DLG2: variants seen among roughly 807,000 people sequenced by gnomAD.
The protein encoded by DLG2 is discs large MAGUK scaffold protein 2.
DLG2 carries 45 observed loss-of-function variants against 132.5 expected under a neutral mutation model. The ratio of observed to expected loss-of-function variants is 0.34; its 90% CI spans 0.27 to 0.44. The LOEUF is 0.44. DLG2 is among the 20% of genes least tolerant of loss of function. The pLI is 1.00. For synonymous variants in DLG2, 424 were observed against 419.6 expected, an observed-to-expected ratio of 1.01 and a Z score of -0.13; for missense variants, 1,045 against 1,196.9, an observed-to-expected ratio of 0.87 and a Z score of 1.87.
intron 7 of DLG2, among the ~76,000 whole-genome samples, chr11:84,407,442 G>C (rs1601591992): frequency 6.6e-6 from 1 of 152,130 alleles, no homozygotes; most frequent in East Asian, 1.9e-4. Flanking sequence ...ATGACCACCT[G>C]CTCTCTAAGG....
At chr11:84,851,713 A>G (rs1344781710) in intron 6 of DLG2, among the ~76,000 whole-genome samples, 1 of 152,000 alleles carries the variant, frequency 6.6e-6, no homozygotes, top group Non-Finnish European at 1.5e-5. Flanking sequence ...AATCTCAACT[A>G]TACACACACA....
At chr11:83,526,474 C>T (rs61900137) in intron 21 of DLG2, among the ~76,000 whole-genome samples, 2,993 of 152,192 alleles carry the variant, frequency 0.02, 42 homozygotes, top group Non-Finnish European at 0.033. Flanking sequence ...AGGTAGACAT[C>T]GTGCTAGGTG....
chr11:84,256,832 G>A (rs1481340177), intron 7 of DLG2, among the ~76,000 whole-genome samples: 1 of 152,166 alleles, frequency 6.6e-6, no homozygotes, highest in Non-Finnish European at 1.5e-5. Flanking sequence ...GCATGTGTAT[G>A]TGTGTGATTT....
intron 7 of DLG2, among the ~76,000 whole-genome samples, chr11:84,503,965 G>C (rs962188598): frequency 1.3e-5 from 2 of 152,246 alleles, no homozygotes; most frequent in East Asian, 1.9e-4. Context: ...ATGAATTGGA[G>C]TGTGACTTTG....
At chr11:84,564,136 AT>A (rs1305722151) in intron 6 of DLG2, among the ~76,000 whole-genome samples, 1 of 152,226 alleles carries the variant, frequency 6.6e-6, no homozygotes, top group African/African-American at 2.4e-5. Flanking sequence ...GGGTAAGCCT[AT>A]TGCAAGTGAC....
intron 3 of DLG2, among the ~76,000 whole-genome samples, chr11:85,381,913 T>G (rs1596703635): frequency 6.6e-6 from 1 of 152,154 alleles, no homozygotes; most frequent in African/African-American, 2.4e-5. Context: ...CAATACTCCC[T>G]AACTGATTTA....
intron 7 of DLG2, among the ~76,000 whole-genome samples, chr11:84,408,333 C>A (rs2098870022): frequency 8.0e-6 from 1 of 125,260 alleles, no homozygotes; most frequent in East Asian, 2.0e-4. Flanking sequence ...ACAACTTGCA[C>A]ATGTTATATA....
At chr11:84,771,516 T>C (rs1490255001) in intron 6 of DLG2, among the ~76,000 whole-genome samples, 1 of 152,248 alleles carries the variant, frequency 6.6e-6, no homozygotes, top group Non-Finnish European at 1.5e-5. Flanking sequence ...TATTAGACCT[T>C]TGTCAGATGC....
intron 7 of DLG2, among the ~76,000 whole-genome samples, chr11:84,362,310 T>C (rs1449752957): frequency 6.6e-6 from 1 of 151,928 alleles, no homozygotes; most frequent in African/African-American, 2.4e-5. Flanking sequence ...TAATGGTAAC[T>C]CTAAGAAATC....
At chr11:83,737,035 C>G (rs980606213) in intron 18 of DLG2, among the ~76,000 whole-genome samples, 1 of 152,234 alleles carries the variant, frequency 6.6e-6, no homozygotes, top group African/African-American at 2.4e-5. Context: ...ATACAAAAAT[C>G]TCATTTTGTA....
At chr11:84,565,951 T>C (rs866811749) in intron 6 of DLG2, among the ~76,000 whole-genome samples, 54 of 149,344 alleles carry the variant, frequency 3.6e-4, no homozygotes, top group Middle Eastern at 7.0e-3. Context: ...TTAAATTTCA[T>C]ATGATGAAGT....
chr11:85,176,468 T>A (rs537119885), intron 4 of DLG2, among the ~76,000 whole-genome samples: 1 of 152,256 alleles, frequency 6.6e-6, no homozygotes, highest in South Asian at 2.1e-4. Context: ...TAACTCAAGA[T>A]GGATTAATGA....
intron 6 of DLG2, among the ~76,000 whole-genome samples, chr11:84,549,350 C>G (rs2099397081): frequency 6.6e-6 from 1 of 152,188 alleles, no homozygotes; most frequent in Non-Finnish European, 1.5e-5. Context: ...ACTGTACGAT[C>G]TTGTGGGCAG....
At chr11:84,234,413 A>T (rs987117153) in intron 8 of DLG2, among the ~76,000 whole-genome samples, 7 of 152,084 alleles carry the variant, frequency 4.6e-5, no homozygotes, top group Admixed American at 4.6e-4. Flanking sequence ...TTGCTGCAGA[A>T]CCCCGTATGG....
At chr11:83,693,138 ATAAC>A (rs2081275584) in intron 18 of DLG2, 1 of 152,180 alleles carries the variant, frequency 6.6e-6, no homozygotes, top group Admixed American at 6.5e-5. Flanking sequence ...TGGTATTATT[ATAAC>A]TAACATATTA....
intron 3 of DLG2, among the ~76,000 whole-genome samples, chr11:85,561,211 C>T (rs954188787): frequency 1.8e-4 from 26 of 148,276 alleles, no homozygotes; most frequent in Non-Finnish European, 1.5e-4. Flanking sequence ...TAAATAAACA[C>T]GATTAGCCAG....
intron 2 of DLG2, among the ~76,000 whole-genome samples, chr11:85,620,783 G>A (rs1327756091): frequency 1.3e-5 from 2 of 152,220 alleles, no homozygotes; most frequent in Admixed American, 6.5e-5. Context: ...GGTTCATGAG[G>A]TGAAAGGAAA....
At chr11:85,449,109 T>C (rs1037346534) in intron 3 of DLG2, among the ~76,000 whole-genome samples, 1 of 152,198 alleles carries the variant, frequency 6.6e-6, no homozygotes, top group African/African-American at 2.4e-5. Flanking sequence ...TTTTCTAACA[T>C]GTTAAATTGG....
At chr11:84,468,597 C>A (rs1450606096) in intron 7 of DLG2, among the ~76,000 whole-genome samples, 1 of 151,506 alleles carries the variant, frequency 6.6e-6, no homozygotes, top group African/African-American at 2.4e-5. Flanking sequence ...AGATGAGTGC[C>A]TTTTAACACT....
Sources: gnomAD v4.1 joint callset for allele counts (sites outside exome capture counted in the v4.1 genomes callset) on GRCh38, gnomAD v4.1.1 for gene constraint, MANE v1.5 for transcripts, NCBI Gene and HGNC (gene_info 2026-07-23, HGNC 2026-07-21) for gene names.